The following DPF3 variants were observed in gnomAD, a reference collection of about 807,000 sequenced individuals.
DPF3 encodes double PHD fingers 3.
Under a neutral mutation model 56.8 loss-of-function variants are expected in DPF3, and 18 were observed. The ratio of observed to expected loss-of-function variants is 0.32; its 90% CI spans 0.22 to 0.47. The LOEUF (loss-of-function observed/expected upper bound fraction) is 0.47. Among genes scored for constraint, DPF3 ranks in the 20% least tolerant of loss-of-function variants. The pLI is 1.00. For synonymous variants in DPF3, 188 were observed against 180.2 expected (o/e 1.04, Z -0.35); for missense variants, 403 against 488.8 (o/e 0.82, Z 1.65).
intron 3 of DPF3, among the ~76,000 whole-genome samples, 200 bp from the exon 4 acceptor site, chr14:72,732,134 A>G (rs1889681441): frequency 6.6e-6 from 1 of 152,176 alleles, no homozygotes; most frequent in African/African-American, 2.4e-5. Flanking sequence ...GATTCCGACC[A>G]TGCCCACACC....
At chr14:72,723,563 G>A (rs1487014316) in intron 5 of DPF3, 70 bp downstream of exon 5, 1 of 1,282,346 alleles carries the variant, frequency 7.8e-7, no homozygotes, top group Non-Finnish European at 1.1e-6. Context: ...AGCTGCAGTG[G>A]AGATCAATCG....
intron 1 of DPF3, among the ~76,000 whole-genome samples, chr14:72,774,417 A>G (rs1009233070): frequency 2.0e-5 from 3 of 151,988 alleles, no homozygotes; most frequent in Non-Finnish European, 4.4e-5. Flanking sequence ...TTCCATTTCT[A>G]CCAACAGTGT....
chr14:72,760,299 C>G (rs1181009933), intron 2 of DPF3, among the ~76,000 whole-genome samples: 1 of 152,142 alleles, frequency 6.6e-6, no homozygotes, highest in Non-Finnish European at 1.5e-5. Context: ...GGAGAAACCC[C>G]ATCTCGACTA....
chr14:72,713,741 C>T (rs1888758888), intron 6 of DPF3, among the ~76,000 whole-genome samples: 1 of 152,216 alleles, frequency 6.6e-6, no homozygotes, highest in Admixed American at 6.5e-5. Flanking sequence ...CCACCTCCCT[C>T]ATCAAGCTGC....
chr14:72,848,927 G>T (rs1448439184), intron 1 of DPF3, among the ~76,000 whole-genome samples: 2 of 152,176 alleles, frequency 1.3e-5, no homozygotes, highest in South Asian at 2.1e-4. Context: ...CTTACTGTGT[G>T]CCAGGTTCTG....
chr14:72,802,157 C>T (rs1892918181), intron 1 of DPF3, among the ~76,000 whole-genome samples: 1 of 151,434 alleles, frequency 6.6e-6, no homozygotes, highest in South Asian at 2.1e-4. Context: ...TCACAGCTCC[C>T]CCTACCCCCA....
chr14:72,705,096 C>T (rs181459273), intron 6 of DPF3, among the ~76,000 whole-genome samples: 2 of 152,320 alleles, frequency 1.3e-5, no homozygotes, highest in African/African-American at 2.4e-5. Flanking sequence ...GACACCTGGA[C>T]TGCACAGCAG....
chr14:72,763,934 C>G (rs1323813277), intron 2 of DPF3, among the ~76,000 whole-genome samples: 1 of 152,070 alleles, frequency 6.6e-6, no homozygotes, highest in African/African-American at 2.4e-5. Context: ...TTGAACTTTA[C>G]CAAAGAACAT....
intron 1 of DPF3, among the ~76,000 whole-genome samples, chr14:72,829,033 C>T (rs1883939091): frequency 6.6e-6 from 1 of 152,156 alleles, no homozygotes; most frequent in African/African-American, 2.4e-5. Context: ...AAAGCCTTGC[C>T]CAAGGTCACC....
At chr14:72,871,024 T>C (rs1245796141) in intron 1 of DPF3, among the ~76,000 whole-genome samples, 1 of 148,612 alleles carries the variant, frequency 6.7e-6, no homozygotes, top group Admixed American at 6.7e-5. Flanking sequence ...GAAAGGCACT[T>C]CTTACATGGT....
At chr14:72,782,631 G>A (rs1319505860) in intron 1 of DPF3, among the ~76,000 whole-genome samples, 6 of 152,110 alleles carry the variant, frequency 3.9e-5, no homozygotes, top group Non-Finnish European at 8.8e-5. Context: ...TCAGGAGTTC[G>A]AGATCAGCCT....
chr14:72,756,155 G>T (rs563751911), intron 2 of DPF3, among the ~76,000 whole-genome samples: 1 of 152,144 alleles, frequency 6.6e-6, no homozygotes, highest in Non-Finnish European at 1.5e-5. Context: ...GGGGAAACCA[G>T]TCCTCCCTGG....
At chr14:72,816,568 C>T (rs1321566776) in intron 1 of DPF3, among the ~76,000 whole-genome samples, 1 of 152,026 alleles carries the variant, frequency 6.6e-6, no homozygotes, top group Non-Finnish European at 1.5e-5. Context: ...AGCTGAGCTT[C>T]CCCTCCTTCA....
intron 7 of DPF3, among the ~76,000 whole-genome samples, chr14:72,691,993 A>C (rs1887709297): frequency 6.6e-6 from 1 of 152,176 alleles, no homozygotes; most frequent in African/African-American, 2.4e-5. Context: ...TTACGAGGGG[A>C]AAGTGGGGTG....
chr14:72,626,465 CTTA>C (rs550840368), intron 9 of DPF3, among the ~76,000 whole-genome samples: 1 of 152,152 alleles, frequency 6.6e-6, no homozygotes, highest in African/African-American at 2.4e-5. Context: ...TGCTTTTTTA[CTTA>C]ATATATTCTG....
chr14:72,773,204 C>A (rs1891611122), intron 1 of DPF3, among the ~76,000 whole-genome samples: 1 of 149,508 alleles, frequency 6.7e-6, no homozygotes, highest in Non-Finnish European at 1.5e-5. Context: ...GCGATCTCAG[C>A]TCACTGCAAC....
At chr14:72,688,027 T>C (rs929402441) in intron 7 of DPF3, among the ~76,000 whole-genome samples, 2 of 151,762 alleles carry the variant, frequency 1.3e-5, no homozygotes, top group African/African-American at 4.8e-5. Flanking sequence ...CACTCAAGAC[T>C]GTGAGCTCAA....
intron 2 of DPF3, among the ~76,000 whole-genome samples, chr14:72,766,831 A>G (rs779565603): frequency 6.6e-6 from 1 of 152,210 alleles, no homozygotes; most frequent in Admixed American, 6.5e-5. Flanking sequence ...CAACAAATGA[A>G]GACCAAAAAA....
chr14:72,758,642 G>T (rs1346717597), intron 2 of DPF3, among the ~76,000 whole-genome samples: 1 of 152,120 alleles, frequency 6.6e-6, no homozygotes, highest in Non-Finnish European at 1.5e-5. Flanking sequence ...TGTGCACAAG[G>T]GGGCGGAAAT....
Sources: allele counts gnomAD v4.1 joint callset (sites outside exome capture counted in the v4.1 genomes callset), GRCh38; gene constraint gnomAD v4.1.1; transcripts MANE v1.5; gene names NCBI Gene and HGNC (gene_info 2026-07-23, HGNC 2026-07-21).